Variants in PTPRB observed in about 807,000 individuals in gnomAD.
The protein encoded by PTPRB is protein tyrosine phosphatase receptor type B.
In PTPRB, 97 loss-of-function variants were observed where a neutral mutation model predicts 238.1. That is an observed-to-expected ratio of 0.41 (90% CI 0.35 to 0.48). The LOEUF is 0.48. Among genes scored for constraint, PTPRB ranks in the 20% least tolerant of loss-of-function variants. The pLI is 0.30. For missense variants in PTPRB, 2,292 were observed against 2,681.9 expected (o/e 0.85, Z 3.21); for synonymous variants, 970 against 995.4 (o/e 0.97, Z 0.48).
Position 70,517,101 on chromosome 12 carries a change from T to G in PTPRB, c.*4388A>C, listed in dbSNP as rs1871254510. 1 of 152,200 alleles carries G rather than the reference T, an allele frequency of 6.6e-6. No individual in the cohort carries two copies. Among genetic ancestry groups the G allele is most frequent in the African/African-American group, 2.4e-5 (1 of 41,452 alleles). 9.4% of individuals were successfully genotyped at this position (152,200 alleles called of 1,614,324 possible). A position where few individuals can be genotyped will look rare whatever the true frequency, so the allele number is the denominator to read the frequency against. ...TTTTAACTAAAATGGCCAAACATTT[T>G]CAAAGTCATCATGCACTACAAGAAT... On this transcript the variant is annotated 3_prime_UTR_variant, in exon 34 of 34. Coordinates refer to ENST00000334414, the MANE Select transcript of PTPRB (RefSeq NM_001109754.4).
chr12:70,594,248 T>C (rs1882779096), intron 6 of PTPRB, among the ~76,000 whole-genome samples: 2 of 152,200 alleles, frequency 1.3e-5, no homozygotes, highest in Admixed American at 1.3e-4. Context: ...ATATCAGTAA[T>C]TAACTTTGCC....
chr12:70,589,345 C>T (rs1321461861), intron 8 of PTPRB, among the ~76,000 whole-genome samples: 1 of 152,138 alleles, frequency 6.6e-6, no homozygotes, highest in African/African-American at 2.4e-5. Flanking sequence ...TGGAGTATTT[C>T]ACATTACAAG....
At chr12:70,614,577 T>C (rs1036091382) in intron 3 of PTPRB, among the ~76,000 whole-genome samples, 1 of 152,026 alleles carries the variant, frequency 6.6e-6, no homozygotes, top group African/African-American at 2.4e-5. Context: ...ACAAAAAAAA[T>C]TAACTGTGAA....
chr12:70,595,267 G>T (rs1196231129), intron 5 of PTPRB, among the ~76,000 whole-genome samples: 1 of 152,066 alleles, frequency 6.6e-6, no homozygotes, highest in East Asian at 1.9e-4. Flanking sequence ...ATGGACACAG[G>T]GAGGGGAACA....
chr12:70,566,658 A>T lies in PTPRB; in HGVS notation c.3681T>A (p.Ser1227Arg), dbSNP rs780342988. 1 of 1,613,992 alleles carries T rather than the reference A, an allele frequency of 6.2e-7. No individual in the cohort carries two copies. The highest frequency in any genetic ancestry group is 1.1e-5 in the South Asian group (1 of 91,086). ...QGVIADNAYS[S>R]YSLIVSWQKA... ...TTTGCCAACTTACTATTAAGGAATAACTGCTGTATGCATTGTCTGCAATTA... is the reference window on the plus strand; with the variant it reads ...TTTGCCAACTTACTATTAAGGAATATCTGCTGTATGCATTGTCTGCAATTA... Residue 1227 changes from serine to arginine, a missense_variant, in exon 15 of 34, where the codon AGT (serine) becomes AGA (arginine). Around this residue, in one of 4 missense-constraint regions of PTPRB, gnomAD observed 683 missense variants for 862.0 expected, o/e 0.79. Transcript: ENST00000334414.
At chr12:70,547,909 G>A (rs1489648017) in intron 21 of PTPRB, among the ~76,000 whole-genome samples, 1 of 152,148 alleles carries the variant, frequency 6.6e-6, no homozygotes, top group Non-Finnish European at 1.5e-5. Flanking sequence ...CCTGAAGCTA[G>A]GAGAGAGTCC....
Position 70,560,673 on chromosome 12 carries a change from G to A in PTPRB, c.4430C>T (p.Thr1477Ile). ...CCATTGGCACCTGGGCTTCTCACCTGTTCTGCTCTCCGCTGTGACTTTATT... is the reference window on the plus strand; with the variant it reads ...CCATTGGCACCTGGGCTTCTCACCTATTCTGCTCTCCGCTGTGACTTTATT... ...LSNKVTAESR[T>I]APSPPSLMSF... The change falls in exon 17 of 34, where the codon ACA becomes ATA. Residue 1477 changes from threonine (T) to isoleucine (I), a missense_variant and splice_region_variant. This residue lies in a region of PTPRB where 683 missense variants were observed against 862.0 expected (regional missense o/e 0.79). Transcript: ENST00000334414. The surrounding 1 kb of genome is among the most constrained non-coding windows in gnomAD (Gnocchi z 4.2). 2.5e-6 allele frequency: 4 copies of A among 1,613,704 alleles called. No individual in the cohort carries two copies. Among genetic ancestry groups the A allele is most frequent in the Non-Finnish European group, 3.4e-6 (4 of 1,179,820 alleles).
intron 18 of PTPRB, chr12:70,559,005 T>A: frequency 2.4e-6 from 1 of 422,964 alleles, no homozygotes; most frequent in East Asian, 3.7e-5. Context: ...TATTTGGATG[T>A]TTCCTTTTCC....
rs775108421 is a variant in PTPRB, at chr12:70,524,500, T to C, written c.6596A>G (p.Tyr2199Cys). The change falls in exon 33 of 34, where the codon TAT (tyrosine) becomes TGT (cysteine). Residue 2199 changes from tyrosine to cysteine, a missense_variant. Coordinates refer to ENST00000334414, the MANE Select transcript of PTPRB (RefSeq NM_001109754.4). ...SEQENPLFPI[Y>C]ENVNPEYHRD... ...GTGATACTCTGGATTCACATTTTCA[T>C]AGATTGGAAACAAGGGGTTTTCTTG... The C allele has an allele frequency of 1.2e-6, 2 of 1,613,100 alleles. No individual in the cohort carries two copies. Among genetic ancestry groups the C allele is most frequent in the South Asian group, 2.2e-5 (2 of 90,876 alleles).
rs772104744 is a variant in PTPRB, at chr12:70,570,969, C to T, written c.3370+57G>A. On this transcript the variant is annotated intron_variant, in intron 13 of 33. Coordinates refer to ENST00000334414, the MANE Select transcript of PTPRB (RefSeq NM_001109754.4). ...GCTCAATCGAAATACCTGAACTACC[C>T]GAAAGTTAAATGCACCACTGCATCT... 36 of 1,578,866 alleles carry T rather than the reference C, an allele frequency of 2.3e-5. 1 individual carries two copies. The highest frequency in any genetic ancestry group is 3.5e-5 in the South Asian group (3 of 85,924).
Position 70,540,907 on chromosome 12 carries a change from C to T in PTPRB, c.5545G>A (p.Gly1849Ser). Residue 1849 changes from glycine (G) to serine (S), a missense_variant, in exon 23 of 34, where the codon GGC (glycine) becomes AGC (serine). Gly to Ser is a moderately conservative substitution (Grantham distance 56, BLOSUM62 0). Transcript: ENST00000334414. The part of the protein sequence containing the change: ...EGVSAGLFLI[G>S]MLVAVVALLI... Reference sequence around the variant, plus strand: ...AAGGCAACAACAGCCACTAGCATGCCAATTAAAAACAGACCAGCACTCACA... The same window carrying T: ...AAGGCAACAACAGCCACTAGCATGCTAATTAAAAACAGACCAGCACTCACA... 1 of 1,607,042 alleles carries T rather than the reference C, an allele frequency of 6.2e-7. No homozygotes were observed. The highest frequency in any genetic ancestry group is 1.1e-5 in the South Asian group (1 of 88,996).
chr12:70,570,876 G>A (rs1879953663), intron 13 of PTPRB, 150 bp downstream of exon 13: 4 of 856,228 alleles, frequency 4.7e-6, no homozygotes, highest in Non-Finnish European at 7.1e-6. Flanking sequence ...ATCCAGGTTG[G>A]ACAACATCAT....
In PTPRB at chr12:70,519,457, C is replaced by A. The variant is rs1871447029; in HGVS notation, c.*2032G>T. 6.6e-6 allele frequency: 1 copy of A among 152,152 alleles called. No individual in the cohort carries two copies. The highest frequency in any genetic ancestry group is 6.5e-5 in the Admixed American group (1 of 15,274). The allele number at this position is 152,152 out of a possible 1,614,324, so 9.4% of individuals were successfully genotyped here. A position where few individuals can be genotyped will look rare whatever the true frequency, so the allele number is the denominator to read the frequency against. ...CAACAATCCTAACTTTATGAGGATT[C>A]TCTTTATGTGAGTAGAAATGTGTAG... is the stretch of plus-strand genomic sequence containing the variant. On this transcript the variant is annotated 3_prime_UTR_variant, in exon 34 of 34. Transcript: ENST00000334414.
In PTPRB at chr12:70,572,057, C is replaced by G. The variant is rs1880125135; in HGVS notation, c.2873G>C (p.Ser958Thr). Residue 958 changes from serine to threonine, a missense_variant, in exon 12 of 34, where the codon AGC becomes ACC. Transcript: ENST00000334414. ...TAAATAGTCACTCCTGGCTGAGTTG[C>G]TAACACTGACTCCCTGGACTTTGTC... is the stretch of plus-strand genomic sequence containing the variant. The part of the protein sequence containing the change: ...VPDKVQGVSV[S>T]NSARSDYLRV... 6 of 1,613,224 alleles carry G rather than the reference C, an allele frequency of 3.7e-6. No individual in the cohort carries two copies. In the African/African-American group the frequency reaches 8.0e-5, roughly 22 times the overall value.
intron 3 of PTPRB, among the ~76,000 whole-genome samples, chr12:70,619,157 A>AGTGTGTGTGTGTGTGTGTGTGT: frequency 7.0e-6 from 1 of 142,200 alleles, no homozygotes; most frequent in East Asian, 2.1e-4. Context: ...TGTTTAGGGG[A>AGTGTGTGTGTGTGTGTGTGTGT]GTGTGTGTGT....
At chr12:70,545,651 T>A (rs1875844360) in intron 21 of PTPRB, among the ~76,000 whole-genome samples, 1 of 152,060 alleles carries the variant, frequency 6.6e-6, no homozygotes, top group African/African-American at 2.4e-5. Flanking sequence ...ATGAAGAGAC[T>A]GCTGGGATAG....
intron 4 of PTPRB, among the ~76,000 whole-genome samples, chr12:70,601,780 T>G (rs554369300): frequency 6.9e-6 from 1 of 145,920 alleles, no homozygotes; most frequent in African/African-American, 2.5e-5. Flanking sequence ...AATTTCTTTT[T>G]TTCTTTTTTC....
Position 70,571,130 on chromosome 12 carries a change from G to C in PTPRB, c.3266C>G (p.Thr1089Ser), listed in dbSNP as rs780247315. The C allele has an allele frequency of 1.2e-6, 2 of 1,613,946 alleles. No individual in the cohort carries two copies. The highest frequency in any genetic ancestry group is 1.7e-6 in the Non-Finnish European group (2 of 1,179,858). The change falls in exon 13 of 34, where the codon ACC (threonine) becomes AGC (serine). Residue 1089 changes from threonine to serine, a missense_variant. Coordinates refer to ENST00000334414, the MANE Select transcript of PTPRB (RefSeq NM_001109754.4). ...TGTTAGGGAAGTAAATCGATACTCGGTTGCGGTATTTACAAGGTGAAAAGG... is the reference window on the plus strand; with the variant it reads ...TGTTAGGGAAGTAAATCGATACTCGCTTGCGGTATTTACAAGGTGAAAAGG... ...FPPFHLVNTA[T>S]EYRFTSLTPG...
chr12:70,537,398 T>C (rs1295962050), intron 28 of PTPRB, among the ~76,000 whole-genome samples: 1 of 152,054 alleles, frequency 6.6e-6, no homozygotes, highest in East Asian at 1.9e-4. Context: ...CAGACATCTT[T>C]CAATGTAGGA....
Sources: allele counts gnomAD v4.1 joint callset (sites outside exome capture counted in the v4.1 genomes callset), GRCh38; gene constraint gnomAD v4.1.1; regional missense constraint gnomAD v4.1.1; non-coding constraint Gnocchi (gnomAD v3.1); transcripts MANE v1.5; gene names NCBI Gene and HGNC (gene_info 2026-07-23, HGNC 2026-07-21).